The following COL23A1 variants were observed in gnomAD, a reference collection of about 807,000 sequenced individuals.
The protein encoded by COL23A1 is collagen type XXIII alpha 1 chain.
COL23A1 carries 97 observed loss-of-function variants against 99.3 expected under a neutral mutation model. The observed-to-expected ratio is 0.98, with a 90% CI of 0.83 to 1.16. The LOEUF is 1.16. COL23A1 is among the 50% of genes most tolerant of loss of function. The probability of loss-of-function intolerance (pLI) is 0.00; values close to 1 mark genes in which losing one functional copy is unlikely to be tolerated. For missense variants in COL23A1, 762 were observed against 757.4 expected, an observed-to-expected ratio of 1.01 and a Z score of -0.07; for synonymous variants, 320 against 308.2, an observed-to-expected ratio of 1.04 and a Z score of -0.40.
chr5:178,576,844 G>A (rs1339843368), intron 1 of COL23A1, among the ~76,000 whole-genome samples: 1 of 151,790 alleles, frequency 6.6e-6, no homozygotes, highest in African/African-American at 2.4e-5. Flanking sequence ...GGGCAGCGCC[G>A]CCCCTCCCCC....
In COL23A1 at chr5:178,249,160, C is replaced by T; in HGVS notation, c.1106G>A (p.Gly369Glu). 2 of 1,614,180 alleles carry T rather than the reference C, an allele frequency of 1.2e-6. No individual in the cohort carries two copies. Among genetic ancestry groups the T allele is most frequent in the Non-Finnish European group, 1.7e-6 (2 of 1,179,980 alleles). ...KGDPGEPGPA[G>E]LKGEAGEMGL... Reference sequence around the variant, plus strand: ...CATCTCGCCTGCTTCCCCTTTGAGTCCTGCTGGCCCAGGCTCTCCTGGGTC... The same window carrying T: ...CATCTCGCCTGCTTCCCCTTTGAGTTCTGCTGGCCCAGGCTCTCCTGGGTC... The change falls in exon 19 of 29, where the codon GGA (glycine) becomes GAA (glutamate). Residue 369 changes from glycine to glutamate, a missense_variant. Coordinates refer to ENST00000390654, the MANE Select transcript of COL23A1 (RefSeq NM_173465.4).
In COL23A1 at chr5:178,249,716, A is replaced by ACACACACACACTCTCT; in HGVS notation, c.1059+344_1059+345insAGAGAGTGTGTGTGTG. ...CACACACACACACACACACACACAC[A>ACACACACACACTCTCT]CTCTCTCTCTCTCTCTCTCTCTCTC... On this transcript the variant is annotated intron_variant, in intron 18 of 28. Coordinates refer to ENST00000390654, the MANE Select transcript of COL23A1 (RefSeq NM_173465.4). Among the ~76,000 whole-genome samples the ACACACACACACTCTCT allele has an allele frequency of 3.0e-4, 28 of 92,806 alleles. 1 individual carries two copies. The highest frequency in any genetic ancestry group is 1.1e-3 in the African/African-American group (27 of 23,482). 60.9% of individuals were successfully genotyped at this position (92,806 alleles called of 152,430 possible).
At chr5:178,277,290 G>A (rs115996014) in intron 5 of COL23A1, among the ~76,000 whole-genome samples, 23 of 152,106 alleles carry the variant, frequency 1.5e-4, no homozygotes, top group African/African-American at 4.8e-4. Context: ...TGCTTAAACC[G>A]TGGAGGTTGA....
intron 2 of COL23A1, among the ~76,000 whole-genome samples, chr5:178,441,837 C>G (rs959013170): frequency 6.6e-6 from 1 of 152,060 alleles, no homozygotes; most frequent in East Asian, 1.9e-4. Flanking sequence ...ATCCCACCAA[C>G]CCCAACCTGA....
rs147993740 is a variant in COL23A1, at chr5:178,355,481, C to T, written c.362-48562G>A. ...GTTACATAGTATATTAGTCTGTTCT[C>T]GCATTGCTATAAAGAACTACCGAAG... On this transcript the variant is annotated intron_variant, in intron 2 of 28. Transcript: ENST00000390654. 3.7e-4 allele frequency among the ~76,000 whole-genome samples: 57 copies of T among 152,258 alleles called. 2 individuals carry two copies. Among genetic ancestry groups the T allele is most frequent in the African/African-American group, 1.0e-3 (43 of 41,520 alleles).
At chr5:178,333,020 C>T (rs1393016662) in intron 2 of COL23A1, among the ~76,000 whole-genome samples, 3 of 152,078 alleles carry the variant, frequency 2.0e-5, no homozygotes, top group Admixed American at 6.5e-5. Context: ...TGCAGTGGCC[C>T]GATCTTGGCT....
chr5:178,368,418 C>T (rs989684189), intron 2 of COL23A1, among the ~76,000 whole-genome samples: 6 of 152,304 alleles, frequency 3.9e-5, no homozygotes, highest in Admixed American at 3.3e-4. Context: ...GTACGTCTGT[C>T]GGCTGATGAA....
intron 17 of COL23A1, among the ~76,000 whole-genome samples, chr5:178,251,218 T>G (rs1387443262): frequency 6.6e-6 from 1 of 152,094 alleles, no homozygotes; most frequent in Non-Finnish European, 1.5e-5. Context: ...AGACAGTGTT[T>G]CACCATATTG....
chr5:178,580,652 T>C (rs1763618997), intron 1 of COL23A1, among the ~76,000 whole-genome samples: 1 of 152,160 alleles, frequency 6.6e-6, no homozygotes, highest in African/African-American at 2.4e-5. Flanking sequence ...CCAAACTGAA[T>C]TACATTCGTT....
At chr5:178,271,370 G>A (rs1007345506) in intron 5 of COL23A1, among the ~76,000 whole-genome samples, 2 of 152,132 alleles carry the variant, frequency 1.3e-5, no homozygotes, top group African/African-American at 2.4e-5. Context: ...TGCACACACT[G>A]TCCACCTGCC....
intron 2 of COL23A1, among the ~76,000 whole-genome samples, chr5:178,358,635 AGTGTGTGTGTGT>A (rs1561898648): frequency 1.6e-5 from 2 of 124,684 alleles, no homozygotes; most frequent in African/African-American, 3.1e-5. Context: ...GTATGTGTCT[AGTGTGTGTGTGT>A]ATGTGTACGT....
At chr5:178,261,871 C>A in intron 10 of COL23A1, 123 bp from the exon 11 acceptor site, 1 of 860,532 alleles carries the variant, frequency 1.2e-6, no homozygotes, top group South Asian at 1.6e-5. Flanking sequence ...GCTGGGCTGC[C>A]GTCAGAAGCA....
intron 2 of COL23A1, among the ~76,000 whole-genome samples, chr5:178,547,784 A>C (rs1192657915): frequency 5.7e-3 from 8 of 1,414 alleles, no homozygotes; most frequent in African/African-American, 8.9e-3. Context: ...CCCCCCACAC[A>C]CCCCCCACAC....
chr5:178,360,202 C>T (rs919591720), intron 2 of COL23A1, among the ~76,000 whole-genome samples: 1 of 152,202 alleles, frequency 6.6e-6, no homozygotes, highest in African/African-American at 2.4e-5. Context: ...AGAGATTTCT[C>T]GGTTGGCCCC....
In COL23A1 at chr5:178,280,249, G is replaced by A. The variant is rs1756825540; in HGVS notation, c.441+8075C>T. On this transcript the variant is annotated intron_variant, in intron 5 of 28. Coordinates refer to ENST00000390654, the MANE Select transcript of COL23A1 (RefSeq NM_173465.4). This position sits in a 1 kb window ranked among gnomAD's most constrained non-coding sequence, Gnocchi z 4.9. ...GCGATCAGCCAGGACGCTGGCCATT[G>A]AGGATGCAGGCCCAAAAGGGGCGCC... 6.6e-6 allele frequency among the ~76,000 whole-genome samples: 1 copy of A among 152,234 alleles called. No individual in the cohort carries two copies.
chr5:178,549,461 T>G (rs1761890341), intron 2 of COL23A1, among the ~76,000 whole-genome samples: 1 of 152,202 alleles, frequency 6.6e-6, no homozygotes, highest in Non-Finnish European at 1.5e-5. Context: ...TCAAGACATT[T>G]GTTGCCTGGC....
intron 1 of COL23A1, among the ~76,000 whole-genome samples, chr5:178,582,566 C>T (rs1186858407): frequency 6.6e-6 from 1 of 152,188 alleles, no homozygotes. Context: ...GCACAGGGCT[C>T]ACAGCGCACC....
intron 2 of COL23A1, among the ~76,000 whole-genome samples, chr5:178,357,838 GTGTA>G (rs1190404572): frequency 1.3e-4 from 20 of 151,048 alleles, no homozygotes; most frequent in Middle Eastern, 3.5e-3. Flanking sequence ...GTGTATGTGT[GTGTA>G]TGTCTAATGT....
At position 178,373,144 on chromosome 5, in the gene COL23A1, C is replaced by A. The variant is rs1203998127; in HGVS notation, c.362-66225G>T. Among the ~76,000 whole-genome samples the A allele has an allele frequency of 2.0e-5, 3 of 152,186 alleles. No individual in the cohort carries two copies. The East Asian group carries it at 5.8e-4, about 29-fold the overall frequency. On this transcript the variant is annotated intron_variant, in intron 2 of 28. Transcript: ENST00000390654. Reference sequence around the variant, plus strand: ...CCCTTGGTAAAAAGCACAGGCTTAACAAGACCCCAAAACACTGACATGGGT... The same window carrying A: ...CCCTTGGTAAAAAGCACAGGCTTAAAAAGACCCCAAAACACTGACATGGGT...
Sources: allele counts gnomAD v4.1 joint callset (sites outside exome capture counted in the v4.1 genomes callset), GRCh38; gene constraint gnomAD v4.1.1; non-coding constraint Gnocchi (gnomAD v3.1); transcripts MANE v1.5; gene names NCBI Gene and HGNC (gene_info 2026-07-23, HGNC 2026-07-21).